RBFOX1: variants seen among roughly 807,000 people sequenced by gnomAD.
The protein encoded by RBFOX1 is RNA binding protein fox-1 homolog 1.
In RBFOX1, 8 loss-of-function variants were observed where a neutral mutation model predicts 57.7. That is an observed-to-expected ratio of 0.14 (90% CI 0.08 to 0.25). RBFOX1 has a LOEUF of 0.25. RBFOX1 is among the 10% of genes least tolerant of loss of function. RBFOX1 has a pLI of 1.00. For missense variants in RBFOX1, 611 were observed against 548.5 expected, an observed-to-expected ratio of 1.11 and a Z score of -1.14; for synonymous variants, 326 against 222.4, an observed-to-expected ratio of 1.47 and a Z score of -4.15.
intron 2 of RBFOX1, among the ~76,000 whole-genome samples, chr16:6,553,501 C>A (rs985309828): frequency 6.6e-6 from 1 of 152,160 alleles, no homozygotes; most frequent in Non-Finnish European, 1.5e-5. Context: ...CTACACCAAT[C>A]CACACAAGTA....
At chr16:5,593,056 G>A (rs1226400207) in intron 2 of RBFOX1, among the ~76,000 whole-genome samples, 1 of 152,176 alleles carries the variant, frequency 6.6e-6, no homozygotes, top group Non-Finnish European at 1.5e-5. Flanking sequence ...TAAAGAACTT[G>A]CTTATAAAAC....
chr16:5,524,095 C>A (rs969398738), intron 2 of RBFOX1, among the ~76,000 whole-genome samples: 1 of 152,206 alleles, frequency 6.6e-6, no homozygotes, highest in African/African-American at 2.4e-5. Context: ...CAGATTCCTT[C>A]CACCAGCCTC....
chr16:7,047,844 A>T (rs372129191), intron 3 of RBFOX1, among the ~76,000 whole-genome samples: 1 of 148,170 alleles, frequency 6.7e-6, no homozygotes, highest in South Asian at 2.1e-4. Context: ...CTGTGTTTGG[A>T]CACCTTCAGT....
chr16:7,129,454 A>G (rs62017061), intron 4 of RBFOX1, among the ~76,000 whole-genome samples: 37,776 of 152,020 alleles, frequency 0.25, 4,866 homozygotes, highest in Non-Finnish European at 0.28. Flanking sequence ...AGGTGACAAA[A>G]TAATATCCCC....
At chr16:6,078,964 AG>A (rs1208230176) in intron 1 of RBFOX1, among the ~76,000 whole-genome samples, 1 of 152,194 alleles carries the variant, frequency 6.6e-6, no homozygotes, top group African/African-American at 2.4e-5. Context: ...TTCCACAGAT[AG>A]CCTTTATTAT....
intron 3 of RBFOX1, among the ~76,000 whole-genome samples, chr16:6,774,170 A>G (rs1319936502): frequency 6.6e-6 from 1 of 152,148 alleles, no homozygotes; most frequent in Non-Finnish European, 1.5e-5. Flanking sequence ...GAAAAATTCC[A>G]GTGTCTCTGT....
At chr16:5,682,993 T>A (rs1235885624) in intron 3 of RBFOX1, among the ~76,000 whole-genome samples, 1 of 152,214 alleles carries the variant, frequency 6.6e-6, no homozygotes, top group Non-Finnish European at 1.5e-5. Flanking sequence ...TTAACCTCTC[T>A]GAACCTTTGT....
intron 2 of RBFOX1, among the ~76,000 whole-genome samples, chr16:6,501,896 A>T (rs1188361086): frequency 6.6e-6 from 1 of 152,212 alleles, no homozygotes; most frequent in African/African-American, 2.4e-5. Context: ...TCATAGATTC[A>T]TGAAATCCTC....
chr16:6,219,833 G>C (rs1431993838), intron 1 of RBFOX1, among the ~76,000 whole-genome samples: 1 of 152,124 alleles, frequency 6.6e-6, no homozygotes, highest in East Asian at 1.9e-4. Context: ...CCGAGATTAT[G>C]CTATCGTGCT....
chr16:5,766,531 GC>G (rs2053785080), intron 3 of RBFOX1, among the ~76,000 whole-genome samples: 1 of 152,142 alleles, frequency 6.6e-6, no homozygotes, highest in Admixed American at 6.5e-5. Context: ...GTTGCAGTGA[GC>G]CGAGATCACA....
intron 1 of RBFOX1, among the ~76,000 whole-genome samples, chr16:6,282,801 C>A (rs986073365): frequency 6.6e-6 from 1 of 152,152 alleles, no homozygotes; most frequent in Non-Finnish European, 1.5e-5. Context: ...TCTTCAGAAC[C>A]AAGGAGAGCA....
At chr16:6,476,235 C>G (rs1162441733) in intron 2 of RBFOX1, among the ~76,000 whole-genome samples, 1 of 152,118 alleles carries the variant, frequency 6.6e-6, no homozygotes, top group Non-Finnish European at 1.5e-5. Context: ...AAATACTACC[C>G]ATTTTGTATG....
chr16:6,140,065 G>C (rs927662592), intron 1 of RBFOX1, among the ~76,000 whole-genome samples: 1 of 152,088 alleles, frequency 6.6e-6, no homozygotes, highest in African/African-American at 2.4e-5. Context: ...TGATTTCTCT[G>C]AATGTTTGGG....
At chr16:5,509,875 C>T (rs1474663956) in intron 2 of RBFOX1, among the ~76,000 whole-genome samples, 2 of 152,150 alleles carry the variant, frequency 1.3e-5, no homozygotes, top group Non-Finnish European at 2.9e-5. Flanking sequence ...TGCCCAAGAA[C>T]CTTGGCGCAG....
chr16:6,567,105 G>C (rs112659750), intron 2 of RBFOX1, among the ~76,000 whole-genome samples: 319 of 152,252 alleles, frequency 2.1e-3, no homozygotes, highest in African/African-American at 6.8e-3. Flanking sequence ...TATTAAATGA[G>C]CAGGCTGTCC....
At chr16:5,524,995 G>A (rs2151020478) in intron 2 of RBFOX1, among the ~76,000 whole-genome samples, 1 of 152,248 alleles carries the variant, frequency 6.6e-6, no homozygotes, top group Non-Finnish European at 1.5e-5. Flanking sequence ...TTTTAAAGTT[G>A]TTTGTGTGAT....
chr16:7,304,196 G>C (rs919326738), intron 4 of RBFOX1: 39 of 952,380 alleles, frequency 4.1e-5, no homozygotes, highest in African/African-American at 6.5e-5. Context: ...AAGAGGGGGA[G>C]AGAGACAGAG....
chr16:7,651,565 C>G (rs1437046872), intron 11 of RBFOX1, among the ~76,000 whole-genome samples: 1 of 152,184 alleles, frequency 6.6e-6, no homozygotes, highest in Non-Finnish European at 1.5e-5. Context: ...GGAAAGGACT[C>G]TGAATAATGG....
At chr16:6,234,394 A>T (rs554305040) in intron 1 of RBFOX1, among the ~76,000 whole-genome samples, 1 of 152,318 alleles carries the variant, frequency 6.6e-6, no homozygotes, top group Admixed American at 6.5e-5. Flanking sequence ...CAAAACTGTA[A>T]GTCCCATGAG....
Sources: gnomAD v4.1 joint callset for allele counts (sites outside exome capture counted in the v4.1 genomes callset) on GRCh38, gnomAD v4.1.1 for gene constraint, MANE v1.5 for transcripts, NCBI Gene and HGNC (gene_info 2026-07-23, HGNC 2026-07-21) for gene names.